EPM2A: variants seen among roughly 807,000 people sequenced by gnomAD.
EPM2A encodes EPM2A glucan phosphatase, laforin.
Under a neutral mutation model 26.5 loss-of-function variants are expected in EPM2A, and 21 were observed. The observed-to-expected ratio is 0.79, with a 90% confidence interval of 0.56 to 1.14. The LOEUF (loss-of-function observed/expected upper bound fraction) is 1.14. Among genes scored for constraint, EPM2A ranks in the 50% most tolerant of loss-of-function variants. EPM2A has a pLI of 0.00. For missense variants in EPM2A, 458 were observed against 440.8 expected, an observed-to-expected ratio of 1.04 and a Z score of -0.35; for synonymous variants, 217 against 177.6, an observed-to-expected ratio of 1.22 and a Z score of -1.76.
chr6:145,723,491 T>G (rs187323757), intron 1 of EPM2A, among the ~76,000 whole-genome samples: 129 of 152,044 alleles, frequency 8.5e-4, no homozygotes, highest in Non-Finnish European at 1.2e-3. Flanking sequence ...AATAACAAAA[T>G]CAAGACTTAT....
chr6:145,658,370 A>G (rs1001293983), intron 2 of EPM2A, among the ~76,000 whole-genome samples: 2 of 152,184 alleles, frequency 1.3e-5, no homozygotes, highest in African/African-American at 4.8e-5. Flanking sequence ...TTACAGCACA[A>G]TAGATGTGAC....
intron 4 of EPM2A, among the ~76,000 whole-genome samples, chr6:145,465,532 G>GC (rs1313781444): frequency 3.0e-4 from 6 of 19,816 alleles, no homozygotes; most frequent in Non-Finnish European, 8.7e-5. Context: ...TTCCTTTGGA[G>GC]AGGAGAGGCG....
chr6:145,442,902 G>A (rs560702452), intron 4 of EPM2A, among the ~76,000 whole-genome samples: 29 of 150,610 alleles, frequency 1.9e-4, no homozygotes, highest in African/African-American at 5.9e-4. Flanking sequence ...GCTCTGTTGC[G>A]CAGGCTGGAG....
chr6:145,609,235 G>A lies in EPM2A; in HGVS notation c.340+26010C>T, dbSNP rs186218346. On this transcript the variant is annotated intron_variant, in intron 2 of 3. Coordinates refer to the EPM2A transcript ENST00000450221. The stretch of plus-strand genomic sequence containing the variant: ...TAAATAGGAGAGCAGAACTTGACCA[G>A]TGAATATACCTAATCTAACATGGCC... Among the ~76,000 whole-genome samples the A allele has an allele frequency of 4.2e-3, 645 of 152,310 alleles. 6 individuals are homozygous for A. Among genetic ancestry groups the A allele is most frequent in the African/African-American group, 0.015 (619 of 41,560 alleles).
intron 4 of EPM2A, among the ~76,000 whole-genome samples, chr6:145,485,010 A>G (rs1779655524): frequency 6.7e-6 from 1 of 148,758 alleles, no homozygotes; most frequent in African/African-American, 2.4e-5. Flanking sequence ...TATATATTAT[A>G]TATATATACT....
At chr6:145,519,228 T>C (rs1167313532) in intron 2 of EPM2A, among the ~76,000 whole-genome samples, 2 of 152,180 alleles carry the variant, frequency 1.3e-5, no homozygotes, top group East Asian at 3.9e-4. Context: ...AAAGCTCTAC[T>C]AGGACTCTGT....
intron 4 of EPM2A, among the ~76,000 whole-genome samples, chr6:145,451,528 T>C (rs879333207): frequency 9.8e-5 from 15 of 152,364 alleles, no homozygotes; most frequent in Middle Eastern, 3.4e-3. Flanking sequence ...TACAGGTATA[T>C]GTGTAGTCAG....
chr6:145,464,516 A>G (rs923363967), intron 4 of EPM2A, among the ~76,000 whole-genome samples: 11 of 152,050 alleles, frequency 7.2e-5, no homozygotes, highest in Non-Finnish European at 1.5e-4. Flanking sequence ...AAAATGTATC[A>G]TTTTCTTTTC....
At chr6:145,648,298 T>C (rs1244889921) in intron 2 of EPM2A, among the ~76,000 whole-genome samples, 1 of 152,198 alleles carries the variant, frequency 6.6e-6, no homozygotes, top group African/African-American at 2.4e-5. Flanking sequence ...GAGAGATTCA[T>C]AGCAACCTAA....
chr6:145,681,317 A>T (rs866447902), intron 2 of EPM2A, among the ~76,000 whole-genome samples: 1 of 150,588 alleles, frequency 6.6e-6, no homozygotes, highest in East Asian at 1.9e-4. Flanking sequence ...AGTAGGTTGC[A>T]AAAATTTTCT....
chr6:145,683,010 GCAAA>G (rs1308633420), intron 2 of EPM2A, among the ~76,000 whole-genome samples: 7 of 152,028 alleles, frequency 4.6e-5, no homozygotes, highest in African/African-American at 1.7e-4. Context: ...GATGAACATA[GCAAA>G]CAGATAGAAT....
chr6:145,589,046 C>A (rs1562393835), intron 2 of EPM2A, among the ~76,000 whole-genome samples: 1 of 152,150 alleles, frequency 6.6e-6, no homozygotes, highest in Admixed American at 6.5e-5. Flanking sequence ...AGGCCCTGCC[C>A]CAACCCTGGC....
intron 2 of EPM2A, among the ~76,000 whole-genome samples, chr6:145,587,802 G>T (rs1781217906): frequency 6.6e-6 from 1 of 152,074 alleles, no homozygotes; most frequent in Non-Finnish European, 1.5e-5. Context: ...GAAACTTTTA[G>T]TGCTTTATGA....
chr6:145,723,433 C>G (rs139747038), intron 1 of EPM2A, among the ~76,000 whole-genome samples: 1 of 151,992 alleles, frequency 6.6e-6, no homozygotes, highest in Admixed American at 6.6e-5. Flanking sequence ...TGCATACACA[C>G]AGAACACAAA....
chr6:145,512,070 T>G (rs1780061774), intron 2 of EPM2A, among the ~76,000 whole-genome samples: 1 of 152,002 alleles, frequency 6.6e-6, no homozygotes, highest in Admixed American at 6.6e-5. Flanking sequence ...GTGAAAGATC[T>G]CCACCAAGAG....
intron 4 of EPM2A, among the ~76,000 whole-genome samples, chr6:145,479,001 T>C (rs1161794556): frequency 1.3e-5 from 2 of 151,426 alleles, no homozygotes; most frequent in Admixed American, 1.3e-4. Context: ...TCTACTCTGT[T>C]CTCTAATTTG....
chr6:145,680,370 T>C (rs1388278896), intron 2 of EPM2A, among the ~76,000 whole-genome samples: 1 of 86,160 alleles, frequency 1.2e-5, no homozygotes, highest in Non-Finnish European at 2.3e-5. Context: ...TTCATTTATT[T>C]ATTTATTTAT....
At chr6:145,639,430 G>A (rs1776923090) in intron 2 of EPM2A, 1 of 152,164 alleles carries the variant, frequency 6.6e-6, no homozygotes. Context: ...AGGCTTGGGA[G>A]TTAGGCCTAT....
intron 1 of EPM2A, among the ~76,000 whole-genome samples, chr6:145,704,502 C>CA (rs1462140614): frequency 1.3e-5 from 2 of 152,202 alleles, no homozygotes; most frequent in African/African-American, 4.8e-5. Context: ...TATTGTTTCT[C>CA]AAAAAATCCA....
Sources: allele counts gnomAD v4.1 joint callset (sites outside exome capture counted in the v4.1 genomes callset), GRCh38; gene constraint gnomAD v4.1.1; transcripts MANE v1.5; gene names NCBI Gene and HGNC (gene_info 2026-07-23, HGNC 2026-07-21).